The following CEP85L variants were observed in gnomAD, a reference collection of about 807,000 sequenced individuals.
The protein encoded by CEP85L is centrosomal protein of 85 kDa-like.
CEP85L carries 60 observed loss-of-function variants against 100.3 expected under a neutral mutation model. The ratio of observed to expected loss-of-function variants is 0.60; its 90% confidence interval spans 0.49 to 0.74. CEP85L has a LOEUF of 0.74. CEP85L is among the 30% of genes least tolerant of loss of function. The pLI is 0.00. For synonymous variants in CEP85L, 319 were observed against 322.7 expected, an observed-to-expected ratio of 0.99 and a Z score of 0.12; for missense variants, 973 against 936.2, an observed-to-expected ratio of 1.04 and a Z score of -0.51.
At chr6:118,648,354 G>A (rs997473194) in intron 1 of CEP85L, among the ~76,000 whole-genome samples, 27 of 152,164 alleles carry the variant, frequency 1.8e-4, no homozygotes, top group African/African-American at 6.5e-4. Context: ...ATCCTAAAGC[G>A]AAGGCTAAAA....
chr6:118,633,800 A>G (rs186486416), intron 1 of CEP85L, among the ~76,000 whole-genome samples: 2 of 152,260 alleles, frequency 1.3e-5, no homozygotes, highest in African/African-American at 4.8e-5. Flanking sequence ...AAACCTGTAG[A>G]AGCACAAATC....
intron 3 of CEP85L, among the ~76,000 whole-genome samples, chr6:118,527,440 AG>A (rs751250752): frequency 2.0e-5 from 3 of 152,136 alleles, no homozygotes; most frequent in Non-Finnish European, 2.9e-5. Context: ...TGGCCTAATT[AG>A]GTGTTCCAAA....
At chr6:118,573,571 A>T (rs768051426) in intron 2 of CEP85L, among the ~76,000 whole-genome samples, 48 of 152,218 alleles carry the variant, frequency 3.2e-4, no homozygotes, top group Admixed American at 1.8e-3. Flanking sequence ...AAAAGTAAAA[A>T]TATATATACT....
chr6:118,616,152 A>G (rs896426702), intron 2 of CEP85L, among the ~76,000 whole-genome samples: 1 of 152,212 alleles, frequency 6.6e-6, no homozygotes, highest in Non-Finnish European at 1.5e-5. Context: ...AGAACCAGGC[A>G]AAGAGTTCTT....
chr6:118,550,916 C>A (rs986004171), intron 3 of CEP85L, among the ~76,000 whole-genome samples: 1 of 151,634 alleles, frequency 6.6e-6, no homozygotes, highest in Non-Finnish European at 1.5e-5. Flanking sequence ...CAGAAATATA[C>A]GAAAATTACA....
At chr6:118,472,316 T>C (rs927192129) in intron 10 of CEP85L, among the ~76,000 whole-genome samples, 1 of 152,202 alleles carries the variant, frequency 6.6e-6, no homozygotes, top group Non-Finnish European at 1.5e-5. Context: ...TATTGCCATT[T>C]ATCACAAAAA....
chr6:118,652,676 T>G (rs1360485679), upstream of CEP85L: 7 of 1,529,544 alleles, frequency 4.6e-6, no homozygotes, highest in Non-Finnish European at 5.3e-6. Context: ...TAAATTAGAT[T>G]TAGGTGTGTG....
At chr6:118,481,660 T>A in intron 8 of CEP85L, 119 bp downstream of exon 8, 1 of 559,580 alleles carries the variant, frequency 1.8e-6, no homozygotes, top group Non-Finnish European at 2.9e-6. Context: ...GGGATGAGCA[T>A]CCTGTAGTAC....
intron 1 of CEP85L, among the ~76,000 whole-genome samples, chr6:118,688,350 C>T (rs1463115452): frequency 6.6e-6 from 1 of 152,094 alleles, no homozygotes; most frequent in African/African-American, 2.4e-5. Flanking sequence ...CTTGCTGTCT[C>T]CCAAACAGAA....
chr6:118,540,052 C>CTT (rs72331980), intron 3 of CEP85L, among the ~76,000 whole-genome samples: 7 of 138,852 alleles, frequency 5.0e-5, no homozygotes, highest in South Asian at 2.3e-4. Flanking sequence ...ATGCCGATGT[C>CTT]TTTTTTTTTT....
At chr6:118,542,911 A>AAAAAAAAAAAAAAC (rs1777983100) in intron 3 of CEP85L, among the ~76,000 whole-genome samples, 1 of 147,140 alleles carries the variant, frequency 6.8e-6, no homozygotes, top group Non-Finnish European at 1.5e-5. Context: ...AAAAAAAAAA[A>AAAAAAAAAAAAAAC]AAAAAAAAAA....
intron 5 of CEP85L, among the ~76,000 whole-genome samples, chr6:118,508,618 G>A (rs1775794975): frequency 6.6e-6 from 1 of 152,032 alleles, no homozygotes; most frequent in South Asian, 2.1e-4. Context: ...TAATTGTAAG[G>A]TTAGTCAAAT....
chr6:118,550,611 G>A (rs1282863880), intron 3 of CEP85L, among the ~76,000 whole-genome samples: 1 of 151,784 alleles, frequency 6.6e-6, no homozygotes, highest in Non-Finnish European at 1.5e-5. Context: ...AACTGCTCAA[G>A]ATCACAGAAC....
chr6:118,662,713 G>T (rs968148022), intron 1 of CEP85L, among the ~76,000 whole-genome samples: 9 of 152,022 alleles, frequency 5.9e-5, no homozygotes, highest in Admixed American at 2.0e-4. Flanking sequence ...ATATTAAAAA[G>T]TTCAACTTCA....
intron 1 of CEP85L, among the ~76,000 whole-genome samples, chr6:118,673,276 A>G (rs957487103): frequency 2.0e-5 from 3 of 152,242 alleles, no homozygotes; most frequent in Non-Finnish European, 2.9e-5. Flanking sequence ...GATTCAAGAT[A>G]TTCATCTGAG....
intron 3 of CEP85L, among the ~76,000 whole-genome samples, chr6:118,533,409 T>C (rs1777400193): frequency 1.3e-5 from 2 of 152,132 alleles, no homozygotes; most frequent in South Asian, 4.1e-4. Context: ...CCCAAATTCA[T>C]TCAATATGAA....
chr6:118,660,759 C>A (rs567530730), intron 1 of CEP85L, among the ~76,000 whole-genome samples: 11 of 152,172 alleles, frequency 7.2e-5, no homozygotes, highest in Non-Finnish European at 1.6e-4. Flanking sequence ...ACGCCTGGGG[C>A]CATGTAATGT....
intron 2 of CEP85L, among the ~76,000 whole-genome samples, chr6:118,618,676 G>A (rs1439973955): frequency 6.6e-6 from 1 of 152,152 alleles, no homozygotes; most frequent in Non-Finnish European, 1.5e-5. Context: ...TAAGATGGGG[G>A]CTTACTCCTT....
intron 3 of CEP85L, among the ~76,000 whole-genome samples, chr6:118,555,201 G>A (rs931636415): frequency 2.0e-5 from 3 of 152,158 alleles, no homozygotes; most frequent in South Asian, 4.1e-4. Flanking sequence ...GGAGGCCGAG[G>A]CGGGTGGATC....
Sources: allele counts gnomAD v4.1 joint callset (sites outside exome capture counted in the v4.1 genomes callset), GRCh38; gene constraint gnomAD v4.1.1; transcripts MANE v1.5; gene names NCBI Gene and HGNC (gene_info 2026-07-23, HGNC 2026-07-21).